Variants in NELL1 observed in about 807,000 individuals in gnomAD.
NELL1 encodes the protein protein kinase C-binding protein NELL1.
NELL1 carries 76 observed loss-of-function variants against 107.4 expected under a neutral mutation model. The observed-to-expected ratio is 0.71, with a 90% CI of 0.59 to 0.86. The LOEUF (loss-of-function observed/expected upper bound fraction) is 0.86. NELL1 is among the 40% of genes least tolerant of loss of function. The pLI is 0.00. For synonymous variants in NELL1, 353 were observed against 341.2 expected (o/e 1.03, Z -0.38); for missense variants, 1,024 against 1,005.5 (o/e 1.02, Z -0.25).
intron 13 of NELL1, among the ~76,000 whole-genome samples, chr11:21,148,826 G>T (rs1464375483): frequency 6.6e-6 from 1 of 152,176 alleles, no homozygotes; most frequent in Non-Finnish European, 1.5e-5. Context: ...AAATTTGTAT[G>T]CATGATAGGC....
At chr11:21,474,987 G>A (rs7924766) in intron 15 of NELL1, among the ~76,000 whole-genome samples, 97,028 of 151,954 alleles carry the variant, frequency 0.64, 32,067 homozygotes, top group East Asian at 0.91. Flanking sequence ...GCATCTTAGA[G>A]AGAGACCCAG....
At chr11:21,329,607 CCTT>C (rs149451003) in intron 14 of NELL1, among the ~76,000 whole-genome samples, 3 of 152,044 alleles carry the variant, frequency 2.0e-5, no homozygotes, top group East Asian at 1.9e-4. Context: ...TATAAATTAT[CCTT>C]CTTTTTAAAC....
At chr11:21,152,340 G>T (rs1856137227) in intron 13 of NELL1, among the ~76,000 whole-genome samples, 1 of 152,094 alleles carries the variant, frequency 6.6e-6, no homozygotes, top group Non-Finnish European at 1.5e-5. Flanking sequence ...ATTTTGACAG[G>T]TGATATGTTT....
At chr11:21,376,152 AT>A (rs71034514) in intron 15 of NELL1, among the ~76,000 whole-genome samples, 113,714 of 151,918 alleles carry the variant, frequency 0.75, 43,525 homozygotes, top group African/African-American at 0.92. Context: ...TGTTTTCTAG[AT>A]TTTTTTATAG....
chr11:21,172,313 C>T (rs988007403), intron 13 of NELL1, among the ~76,000 whole-genome samples: 1 of 151,858 alleles, frequency 6.6e-6, no homozygotes, highest in Admixed American at 6.6e-5. Context: ...CTTGTTAGCA[C>T]AGAGTGGTTT....
intron 3 of NELL1, among the ~76,000 whole-genome samples, chr11:20,835,492 G>T (rs1026314456): frequency 2.0e-5 from 3 of 152,090 alleles, no homozygotes; most frequent in African/African-American, 7.2e-5. Flanking sequence ...TTGAGTGGGA[G>T]AATATGTATC....
chr11:21,403,016 C>A (rs1322279736), intron 15 of NELL1, among the ~76,000 whole-genome samples: 1 of 151,672 alleles, frequency 6.6e-6, no homozygotes, highest in Non-Finnish European at 1.5e-5. Context: ...AGGGAAGCCA[C>A]AAAAACCATC....
At chr11:21,178,198 TA>T (rs1285749308) in intron 13 of NELL1, among the ~76,000 whole-genome samples, 1 of 151,840 alleles carries the variant, frequency 6.6e-6, no homozygotes, top group Non-Finnish European at 1.5e-5. Context: ...CCTGTTTTTC[TA>T]ATAGGGATTT....
chr11:20,834,711 AC>A (rs901798906), intron 3 of NELL1, among the ~76,000 whole-genome samples: 6 of 149,896 alleles, frequency 4.0e-5, no homozygotes, highest in African/African-American at 1.5e-4. Flanking sequence ...AAAAAAAAAA[AC>A]AAAAAACAAA....
intron 12 of NELL1, among the ~76,000 whole-genome samples, chr11:21,105,278 A>G (rs114841678): frequency 0.012 from 1,838 of 152,250 alleles, 42 homozygotes; most frequent in African/African-American, 0.041. Flanking sequence ...AGAGAGAGAG[A>G]GGGCCACCAA....
chr11:20,705,130 A>G (rs1445377533), intron 2 of NELL1, among the ~76,000 whole-genome samples: 1 of 152,174 alleles, frequency 6.6e-6, no homozygotes, highest in Non-Finnish European at 1.5e-5. Flanking sequence ...TCAAGCTACC[A>G]ATGGCTTTCT....
chr11:20,731,361 GC>G (rs1265574590), intron 2 of NELL1, among the ~76,000 whole-genome samples: 2 of 152,206 alleles, frequency 1.3e-5, no homozygotes, highest in Admixed American at 1.3e-4. Flanking sequence ...CTTGGCTGAT[GC>G]CTGTGGCTGA....
intron 14 of NELL1, chr11:21,284,439 C>T (rs1231841570): frequency 4.4e-6 from 2 of 457,832 alleles, no homozygotes; most frequent in Non-Finnish European, 8.8e-6. Flanking sequence ...AAAGTGATGG[C>T]TGTGCACAAG....
chr11:20,865,953 T>G (rs1849087523), intron 4 of NELL1, among the ~76,000 whole-genome samples: 1 of 152,198 alleles, frequency 6.6e-6, no homozygotes, highest in South Asian at 2.1e-4. Flanking sequence ...ACTTCCTAGC[T>G]GTGTGCTCTT....
At chr11:20,868,851 G>GA (rs1405674147) in intron 4 of NELL1, among the ~76,000 whole-genome samples, 1 of 151,878 alleles carries the variant, frequency 6.6e-6, no homozygotes, top group Non-Finnish European at 1.5e-5. Context: ...CCTCACAAAG[G>GA]AAAAAAATTC....
chr11:20,888,790 G>C (rs1849560608), intron 5 of NELL1, among the ~76,000 whole-genome samples: 1 of 152,138 alleles, frequency 6.6e-6, no homozygotes, highest in African/African-American at 2.4e-5. Flanking sequence ...CTAGCAGGTG[G>C]CAGGATGATC....
chr11:21,148,536 A>G (rs946361477), intron 13 of NELL1, among the ~76,000 whole-genome samples: 6 of 152,210 alleles, frequency 3.9e-5, no homozygotes, highest in African/African-American at 1.2e-4. Context: ...ATCACTTAAC[A>G]GGGTTTATGA....
rs386373298 is a variant in NELL1 at position 21,519,550 on chromosome 11, T to TTG, written c.1646-14823_1646-14822insGT. 6.6e-5 allele frequency among the ~76,000 whole-genome samples: 10 copies of TTG among 151,456 alleles called. No homozygotes were observed. In the South Asian group the frequency reaches 8.4e-4, roughly 13 times the overall value. ...TTTGTTTTGTTTTGTTTTTTGTTTT[T>TTG]TTTTTTAGATTAAGAGGGCAATACT... is the stretch of plus-strand genomic sequence containing the variant. On this transcript the variant is annotated intron_variant, in intron 15 of 19. Coordinates refer to ENST00000357134, the MANE Select transcript of NELL1 (RefSeq NM_006157.5).
intron 12 of NELL1, among the ~76,000 whole-genome samples, chr11:20,973,042 G>A (rs900020339): frequency 2.6e-5 from 4 of 151,530 alleles, no homozygotes; most frequent in African/African-American, 9.7e-5. Context: ...TCCTCCTCTG[G>A]GTTCTAGTAG....
Sources: gnomAD v4.1 joint callset for allele counts (sites outside exome capture counted in the v4.1 genomes callset) on GRCh38, gnomAD v4.1.1 for gene constraint, MANE v1.5 for transcripts, NCBI Gene and HGNC (gene_info 2026-07-23, HGNC 2026-07-21) for gene names.